KCNB2: variants seen among roughly 807,000 people sequenced by gnomAD.
The protein encoded by KCNB2 is delayed rectifier potassium channel protein.
In KCNB2, 15 loss-of-function variants were observed where a neutral mutation model predicts 61.5. That is an observed-to-expected ratio of 0.24 (90% CI 0.16 to 0.38). The LOEUF is 0.38. KCNB2 is among the 10% of genes least tolerant of loss of function. The probability of loss-of-function intolerance (pLI) is 1.00; values close to 1 mark genes in which losing one functional copy is unlikely to be tolerated. For synonymous variants in KCNB2, 457 were observed against 446.0 expected, an observed-to-expected ratio of 1.02 and a Z score of -0.31; for missense variants, 828 against 1,125.2, an observed-to-expected ratio of 0.74 and a Z score of 3.78.
In KCNB2 at chr8:72,594,578, G is replaced by C. The variant is rs1248771044; in HGVS notation, c.579+26265G>C. 2.0e-5 allele frequency among the ~76,000 whole-genome samples: 3 copies of C among 152,262 alleles called. No individual in the cohort carries two copies. In the South Asian group the frequency reaches 6.2e-4, roughly 32 times the overall value. ...TAGCCTTGGCTTTTGTTTTGGTAAT[G>C]ACCAAAATTTCTAGATGAACGTGTC... On this transcript the variant is annotated intron_variant, in intron 2 of 2. Transcript: ENST00000523207.
intron 2 of KCNB2, among the ~76,000 whole-genome samples, chr8:72,850,661 A>T (rs752646996): frequency 6.6e-5 from 10 of 152,230 alleles, no homozygotes; most frequent in East Asian, 1.9e-4. Flanking sequence ...CTCTCCACAC[A>T]TTCCTATAAA....
intron 2 of KCNB2, among the ~76,000 whole-genome samples, chr8:72,920,461 C>CTATATATATATATATATATA (rs1210179232): frequency 6.9e-5 from 5 of 72,614 alleles, no homozygotes; most frequent in East Asian, 2.6e-4. Context: ...ATCTATCTAT[C>CTATATATATATATATATATA]TATCTATCTA....
intron 2 of KCNB2, among the ~76,000 whole-genome samples, chr8:72,851,826 GAAAA>G (rs55696554): frequency 3.4e-4 from 15 of 43,864 alleles, no homozygotes; most frequent in East Asian, 5.9e-4. Context: ...GAAGCTGTAG[GAAAA>G]AAAAAAAAAA....
At chr8:72,656,903 G>A (rs1806300997) in intron 2 of KCNB2, among the ~76,000 whole-genome samples, 1 of 152,094 alleles carries the variant, frequency 6.6e-6, no homozygotes, top group South Asian at 2.1e-4. Flanking sequence ...CAGAAAGGAA[G>A]CATTGTGTTG....
In KCNB2 at chr8:72,711,157, A is replaced by G. The variant is rs576403501; in HGVS notation, c.579+142844A>G. ...TCATGGCAGAGGAAAAGACAGCTGA[A>G]TAAGGTCTTGGACTGACAATTGATT... is the stretch of plus-strand genomic sequence containing the variant. On this transcript the variant is annotated intron_variant, in intron 2 of 2. Coordinates refer to ENST00000523207, the MANE Select transcript of KCNB2 (RefSeq NM_004770.3). Among the ~76,000 whole-genome samples the G allele has an allele frequency of 2.0e-5, 3 of 152,344 alleles. No individual in the cohort carries two copies. In the South Asian group the frequency reaches 6.2e-4, roughly 32 times the overall value.
chr8:72,650,396 A>G (rs181749705), intron 2 of KCNB2, among the ~76,000 whole-genome samples: 1 of 152,120 alleles, frequency 6.6e-6, no homozygotes, highest in African/African-American at 2.4e-5. Flanking sequence ...TGCTCTTACA[A>G]CAAAAAGAGA....
At chr8:72,854,381 T>G (rs1178424091) in intron 2 of KCNB2, among the ~76,000 whole-genome samples, 1 of 152,228 alleles carries the variant, frequency 6.6e-6, no homozygotes, top group African/African-American at 2.4e-5. Flanking sequence ...TGTTCGTTTT[T>G]ATCCTAGGGA....
Position 72,936,670 on chromosome 8 carries a change from G to A in KCNB2, c.1315G>A (p.Ala439Thr). Reference sequence around the variant, plus strand: ...AGAGAAAGCAATTAAAAGGAGGGAGGCTCTTGAGCGGGCCAAAAGGAACGG... The same window carrying A: ...AGAGAAAGCAATTAAAAGGAGGGAGACTCTTGAGCGGGCCAAAAGGAACGG... ...RQEKAIKRRE[A>T]LERAKRNGSI... Residue 439 changes from alanine (A) to threonine (T), a missense_variant, in exon 3 of 3, where the codon GCT (alanine) becomes ACT (threonine). Around this residue, in one of 4 missense-constraint regions of KCNB2, gnomAD observed 559 missense variants for 588.4 expected, o/e 0.95. Coordinates refer to ENST00000523207, the MANE Select transcript of KCNB2 (RefSeq NM_004770.3). The surrounding 1 kb of genome is among the most constrained non-coding windows in gnomAD (Gnocchi z 5.6). 6.2e-7 allele frequency: 1 copy of A among 1,614,172 alleles called. No individual in the cohort carries two copies. The highest frequency in any genetic ancestry group is 8.5e-7 in the Non-Finnish European group (1 of 1,180,034).
chr8:72,583,883 T>A (rs151105932), intron 2 of KCNB2, among the ~76,000 whole-genome samples: 1 of 149,226 alleles, frequency 6.7e-6, no homozygotes, highest in East Asian at 2.0e-4. Flanking sequence ...CCATTTTTTT[T>A]AATTATGAGG....
chr8:72,748,869 A>G (rs1272670301), intron 2 of KCNB2, among the ~76,000 whole-genome samples: 1 of 152,054 alleles, frequency 6.6e-6, no homozygotes, highest in Non-Finnish European at 1.5e-5. Context: ...AACACTTAAA[A>G]ATCTATTCTC....
intron 2 of KCNB2, among the ~76,000 whole-genome samples, chr8:72,694,437 T>C (rs1203240595): frequency 6.6e-6 from 1 of 152,174 alleles, no homozygotes; most frequent in Non-Finnish European, 1.5e-5. Context: ...GAAATCTGCC[T>C]TAATCGATCA....
At chr8:72,851,107 C>T in intron 2 of KCNB2, among the ~76,000 whole-genome samples, 1 of 7,116 alleles carries the variant, frequency 1.4e-4, no homozygotes, top group Admixed American at 1.8e-3. Context: ...AAAGCTAATG[C>T]AGCAAAGTCT....
chr8:72,697,258 A>C (rs918735598), intron 2 of KCNB2, among the ~76,000 whole-genome samples: 6 of 152,182 alleles, frequency 3.9e-5, no homozygotes, highest in African/African-American at 1.4e-4. Context: ...AGATTGAGAT[A>C]ATACTTGTAA....
intron 2 of KCNB2, among the ~76,000 whole-genome samples, chr8:72,653,569 A>G (rs1806244295): frequency 6.6e-6 from 1 of 152,054 alleles, no homozygotes; most frequent in Admixed American, 6.6e-5. Flanking sequence ...CTTTGTCTTC[A>G]TCTCATTATT....
At chr8:72,685,135 G>T (rs576173041) in intron 2 of KCNB2, among the ~76,000 whole-genome samples, 3 of 152,226 alleles carry the variant, frequency 2.0e-5, no homozygotes, top group South Asian at 2.1e-4. Context: ...AAAGTCAGAA[G>T]AAAACTTCTG....
intron 2 of KCNB2, among the ~76,000 whole-genome samples, chr8:72,632,189 T>C (rs568357304): frequency 5.9e-5 from 9 of 152,210 alleles, no homozygotes; most frequent in African/African-American, 1.9e-4. Flanking sequence ...GAGGCTGCAG[T>C]GAGCTGTCTA....
intron 2 of KCNB2, among the ~76,000 whole-genome samples, chr8:72,598,778 A>G (rs1807240546): frequency 6.6e-6 from 1 of 152,232 alleles, no homozygotes; most frequent in African/African-American, 2.4e-5. Context: ...TCAATGTGCA[A>G]AAATCACAAG....
chr8:72,639,004 C>T (rs965668531), intron 2 of KCNB2, among the ~76,000 whole-genome samples: 12 of 152,162 alleles, frequency 7.9e-5, no homozygotes, highest in African/African-American at 2.9e-4. Context: ...GGCTTCCAGG[C>T]ACATGCGGTG....
At chr8:72,739,621 A>G (rs1387958534) in intron 2 of KCNB2, among the ~76,000 whole-genome samples, 1 of 151,918 alleles carries the variant, frequency 6.6e-6, no homozygotes, top group African/African-American at 2.4e-5. Flanking sequence ...AAAATTACAT[A>G]TGGTTTGGTA....
Sources: allele counts gnomAD v4.1 joint callset (sites outside exome capture counted in the v4.1 genomes callset), GRCh38; gene constraint gnomAD v4.1.1; regional missense constraint gnomAD v4.1.1; non-coding constraint Gnocchi (gnomAD v3.1); transcripts MANE v1.5; gene names NCBI Gene and HGNC (gene_info 2026-07-23, HGNC 2026-07-21).